PRKCH: variants seen among roughly 807,000 people sequenced by gnomAD.
PRKCH encodes the protein protein kinase C eta, also known as protein kinase C eta type.
In PRKCH, 28 loss-of-function variants were observed where a neutral mutation model predicts 82.5. The observed-to-expected ratio is 0.34, with a 90% CI of 0.25 to 0.47. The LOEUF (loss-of-function observed/expected upper bound fraction) is 0.47, where lower values mean the gene tolerates loss of function less well. PRKCH is among the 20% of genes least tolerant of loss of function. The probability of loss-of-function intolerance (pLI) is 1.00; values close to 1 mark genes in which losing one functional copy is unlikely to be tolerated. For synonymous variants in PRKCH, 322 were observed against 327.4 expected (o/e 0.98, Z 0.18); for missense variants, 705 against 881.8 (o/e 0.80, Z 2.54).
intron 1 of PRKCH, among the ~76,000 whole-genome samples, chr14:61,268,628 A>G (rs2045125254): frequency 6.6e-6 from 1 of 152,168 alleles, no homozygotes. Flanking sequence ...AGATCGTACC[A>G]TTGCACTCCA....
chr14:61,407,677 T>G (rs964901561), intron 2 of PRKCH, among the ~76,000 whole-genome samples: 9 of 152,186 alleles, frequency 5.9e-5, no homozygotes, highest in African/African-American at 2.2e-4. Flanking sequence ...TTGAGACTTT[T>G]AATTCCTACA....
Position 61,549,939 on chromosome 14 carries a change from A to G in PRKCH, c.*108A>G. On this transcript the variant is annotated 3_prime_UTR_variant, in exon 14 of 14. Coordinates refer to ENST00000332981, the MANE Select transcript of PRKCH (RefSeq NM_006255.5). ...GCATCAGCCTTAGAACAAGAACCTT[A>G]CCTTCAAGGAGCAAGTGAAGAACTC... The G allele has an allele frequency of 8.1e-7, 1 of 1,235,746 alleles. No individual in the cohort carries two copies. The highest frequency in any genetic ancestry group is 1.5e-5 in the South Asian group (1 of 66,336). 76.5% of individuals were successfully genotyped at this position (1,235,746 alleles called of 1,614,324 possible).
chr14:61,296,869 T>C (rs148369790), intron 1 of PRKCH, among the ~76,000 whole-genome samples: 2 of 152,334 alleles, frequency 1.3e-5, no homozygotes, highest in East Asian at 3.9e-4. Flanking sequence ...AAGTTATGGT[T>C]TCAGGTTTGT....
At chr14:61,533,027 G>T (rs2043060230) in intron 12 of PRKCH, among the ~76,000 whole-genome samples, 1 of 152,188 alleles carries the variant, frequency 6.6e-6, no homozygotes, top group Admixed American at 6.5e-5. Context: ...GGGGCTCTGG[G>T]CTCACAGTGC....
intron 1 of PRKCH, among the ~76,000 whole-genome samples, chr14:61,291,744 C>T (rs2140098924): frequency 6.6e-6 from 1 of 152,234 alleles, no homozygotes; most frequent in South Asian, 2.1e-4. Flanking sequence ...GTATCTAATC[C>T]TCAATGGACT....
intron 1 of PRKCH, among the ~76,000 whole-genome samples, chr14:61,225,622 C>T (rs1033600469): frequency 6.6e-5 from 10 of 152,220 alleles, no homozygotes; most frequent in African/African-American, 2.2e-4. Flanking sequence ...GAGTAAGTGT[C>T]GTCTGCTCTG....
In PRKCH at chr14:61,280,781, G is replaced by A; in HGVS notation, c.-19+93113G>A. On this transcript the variant is annotated intron_variant, in intron 1 of 3. Coordinates refer to the PRKCH transcript ENST00000555185. The surrounding 1 kb of genome is among the most constrained non-coding windows in gnomAD (Gnocchi z 5.0). ...GCGTCGTCGCGGGACACGCCGTAGC[G>A]CCGGTTGTTCTGGTAGAAGTTGGTC... 6.4e-7 allele frequency: 1 copy of A among 1,555,868 alleles called. No individual in the cohort carries two copies. The highest frequency in any genetic ancestry group is 1.2e-5 in the South Asian group (1 of 82,908).
Position 61,280,989 on chromosome 14 carries a change from G to C in PRKCH, c.-19+93321G>C. The C allele has an allele frequency of 1.3e-6, 2 of 1,542,360 alleles. No homozygotes were observed. Among genetic ancestry groups the C allele is most frequent in the Non-Finnish European group, 1.7e-6 (2 of 1,146,518 alleles). ...CCTTGATGCCGTTGGAGGAGTAGTA[G>C]AGGCCCAGGCCCAGGCCGATGAAGG... On this transcript the variant is annotated intron_variant, in intron 1 of 3. Coordinates refer to the PRKCH transcript ENST00000555185. The surrounding 1 kb of genome is among the most constrained non-coding windows in gnomAD (Gnocchi z 5.0).
At chr14:61,254,004 TCCC>T (rs2044973614) in intron 1 of PRKCH, among the ~76,000 whole-genome samples, 4 of 51,258 alleles carry the variant, frequency 7.8e-5, no homozygotes, top group African/African-American at 2.9e-4. Context: ...CCTCCCTCCC[TCCC>T]TCCCTTCCTT....
At chr14:61,523,760 G>A (rs889780107) in intron 10 of PRKCH, among the ~76,000 whole-genome samples, 4 of 152,190 alleles carry the variant, frequency 2.6e-5, no homozygotes, top group African/African-American at 7.2e-5. Flanking sequence ...TAAATTGACT[G>A]TGTATTTTAT....
chr14:61,550,416 C>T lies in PRKCH; in HGVS notation c.*585C>T, dbSNP rs10150621. On this transcript the variant is annotated 3_prime_UTR_variant, in exon 14 of 14. Coordinates refer to ENST00000332981, the MANE Select transcript of PRKCH (RefSeq NM_006255.5). ...CTTGAAAATATGTTGTGCACCAAGA[C>T]GACTGCTTCAGCTTCTTCTCTTATC... 0.028 allele frequency: 4,240 copies of T among 152,550 alleles called. 76 individuals are homozygous for T. The highest frequency in any genetic ancestry group is 0.055 in the African/African-American group (2,266 of 41,544). 9.4% of individuals were successfully genotyped at this position (152,550 alleles called of 1,614,324 possible). A position where few individuals can be genotyped will look rare whatever the true frequency, so the allele number is the denominator to read the frequency against.
chr14:61,195,335 T>C (rs71416093), intron 1 of PRKCH, among the ~76,000 whole-genome samples: 1,802 of 150,040 alleles, frequency 0.012, 20 homozygotes, highest in Non-Finnish European at 0.02. Flanking sequence ...ATAATTATGA[T>C]AAGTTTTTAT....
intron 10 of PRKCH, among the ~76,000 whole-genome samples, chr14:61,511,763 A>G (rs1028317671): frequency 1.3e-5 from 2 of 152,182 alleles, no homozygotes; most frequent in Non-Finnish European, 2.9e-5. Flanking sequence ...CATCAGTGGA[A>G]AGTTACAGGA....
chr14:61,349,706 C>T (rs927450682), intron 1 of PRKCH, among the ~76,000 whole-genome samples: 1 of 152,020 alleles, frequency 6.6e-6, no homozygotes, highest in African/African-American at 2.4e-5. Flanking sequence ...ACTAAAAATA[C>T]AAAAATTAGC....
intron 2 of PRKCH, among the ~76,000 whole-genome samples, chr14:61,439,892 A>G (rs563677597): frequency 8.5e-5 from 13 of 152,332 alleles, no homozygotes; most frequent in African/African-American, 2.9e-4. Context: ...TGCAGTGGCA[A>G]TAGCTGTTAA....
intron 2 of PRKCH, among the ~76,000 whole-genome samples, chr14:61,406,378 ACACT>A (rs1881954250): frequency 6.8e-6 from 1 of 146,668 alleles, no homozygotes; most frequent in South Asian, 2.2e-4. Flanking sequence ...ATGTCTGCAA[ACACT>A]CAGTGCTAAT....
chr14:61,299,498 G>C (rs8013874), intron 1 of PRKCH, among the ~76,000 whole-genome samples: 3,442 of 152,214 alleles, frequency 0.023, 82 homozygotes, highest in Middle Eastern at 0.054. Context: ...CTGGGAGACT[G>C]CCTTCCCCTG....
intron 10 of PRKCH, among the ~76,000 whole-genome samples, chr14:61,522,810 T>A (rs1193805138): frequency 1.3e-5 from 2 of 152,222 alleles, no homozygotes; most frequent in Non-Finnish European, 2.9e-5. Context: ...CATCCTGGCA[T>A]ATGGCCAGGC....
chr14:61,395,891 G>A (rs1044595431), intron 2 of PRKCH, among the ~76,000 whole-genome samples: 24 of 152,042 alleles, frequency 1.6e-4, no homozygotes, highest in African/African-American at 5.3e-4. Context: ...ACCGGCCTGG[G>A]CAACATGGTG....
Sources: allele counts gnomAD v4.1 joint callset (sites outside exome capture counted in the v4.1 genomes callset), GRCh38; gene constraint gnomAD v4.1.1; non-coding constraint Gnocchi (gnomAD v3.1); transcripts MANE v1.5; gene names NCBI Gene and HGNC (gene_info 2026-07-23, HGNC 2026-07-21).